SLC39A6: variants seen among roughly 807,000 people sequenced by gnomAD.
SLC39A6 encodes the protein zinc transporter ZIP6.
SLC39A6 carries 51 observed loss-of-function variants against 63.5 expected under a neutral mutation model. The observed-to-expected ratio is 0.80, with a 90% CI of 0.64 to 1.01. The LOEUF (loss-of-function observed/expected upper bound fraction) is 1.01. Ranked by LOEUF, SLC39A6 falls within the 50% of genes least tolerant of loss-of-function variation. SLC39A6 has a pLI of 0.00. For missense variants in SLC39A6, 805 were observed against 927.8 expected (o/e 0.87, Z 1.72); for synonymous variants, 318 against 324.7 (o/e 0.98, Z 0.22).
Position 36,126,204 on chromosome 18 carries a change from C to T in SLC39A6, c.789+15G>A. The stretch of plus-strand genomic sequence containing the variant: ...CACACAGGTATATTAAAATAATGAA[C>T]AGCACTCATCTTACCTCCTGAGGAT... On this transcript the variant is annotated intron_variant, in intron 2 of 9. Transcript: ENST00000269187. 7.5e-6 allele frequency: 12 copies of T among 1,605,450 alleles called. No homozygotes were observed. Among genetic ancestry groups the T allele is most frequent in the Non-Finnish European group, 1.0e-5 (12 of 1,173,854 alleles).
Position 36,126,566 on chromosome 18 carries a change from C to T in SLC39A6, c.442G>A (p.Asp148Asn). The change falls in exon 2 of 10, where the codon GAC becomes AAC. Residue 148 changes from aspartate (D) to asparagine (N), a missense_variant. Physicochemically the swap from Asp to Asn is conservative, Grantham distance 23 (BLOSUM62 1). Around this residue, in one of 4 missense-constraint regions of SLC39A6, gnomAD observed 639 missense variants for 644.0 expected, o/e 0.99. Transcript: ENST00000269187. ...GKNKRKALCP[D>N]HDSDSSGKDP... ...TTACCTGAACTATCTGAGTCATGGT[C>T]TGGGCAAAGAGCTTTTCGCTTATTT... The T allele has an allele frequency of 1.2e-6, 2 of 1,614,176 alleles. No individual in the cohort carries two copies. The highest frequency in any genetic ancestry group is 1.7e-6 in the Non-Finnish European group (2 of 1,180,032).
rs115420814 is a variant in SLC39A6, at chr18:36,121,726, G to T, written c.1359+326C>A. ...TTAATCGTAACTACTAATAAATATT[G>T]ATAGTGTATCCATGTATACACGATG... is the stretch of plus-strand genomic sequence containing the variant. On this transcript the variant is annotated intron_variant, in intron 5 of 9. Transcript: ENST00000269187. Among the ~76,000 whole-genome samples the T allele has an allele frequency of 2.7e-3, 417 of 152,264 alleles. 2 individuals carry two copies. Among genetic ancestry groups the T allele is most frequent in the African/African-American group, 9.9e-3 (411 of 41,558 alleles).
chr18:36,119,462 C>T (rs965732784), intron 5 of SLC39A6, among the ~76,000 whole-genome samples: 1 of 152,138 alleles, frequency 6.6e-6, no homozygotes, highest in Non-Finnish European at 1.5e-5. Context: ...TAAGAGCTTA[C>T]ATTCTAGTAG....
rs1384264993 is a variant in SLC39A6 at position 36,109,084 on chromosome 18, TC to T, written c.*508del. On this transcript the variant is annotated 3_prime_UTR_variant, in exon 10 of 10. Coordinates refer to ENST00000269187, the MANE Select transcript of SLC39A6 (RefSeq NM_012319.4). ...CTTTTTATACTTAATTCTAAATTTC[TC>T]CCCTCTAATTTACAACAAATTTTGT... is the stretch of plus-strand genomic sequence containing the variant. The T allele has an allele frequency of 6.6e-6, 1 of 152,250 alleles. No individual in the cohort carries two copies. The highest frequency in any genetic ancestry group is 6.5e-5 in the Admixed American group (1 of 15,274). 9.4% of individuals were successfully genotyped at this position (152,250 alleles called of 1,614,324 possible). A position where few individuals can be genotyped will look rare whatever the true frequency, so the allele number is the denominator to read the frequency against.
At chr18:36,124,444 C>A in intron 3 of SLC39A6, 76 bp downstream of exon 3, 1 of 909,060 alleles carries the variant, frequency 1.1e-6, no homozygotes, top group Non-Finnish European at 1.6e-6. Context: ...AACAAATAGG[C>A]TGATGCAAAT....
chr18:36,114,518 G>C, intron 6 of SLC39A6, 44 bp from the exon 7 acceptor site: 2 of 1,473,722 alleles, frequency 1.4e-6, no homozygotes, highest in Non-Finnish European at 1.8e-6. Flanking sequence ...AGAAGGCTTT[G>C]TTAATGGACT....
rs1157689991 is a variant in SLC39A6 at position 36,126,383 on chromosome 18, T to C, written c.625A>G (p.Arg209Gly). The C allele has an allele frequency of 6.2e-7, 1 of 1,614,258 alleles. No homozygotes were observed. Reference protein sequence around the residue: ...THFLETIETPRPGKLFPKDVS... With the variant: ...THFLETIETPGPGKLFPKDVS... The stretch of plus-strand genomic sequence containing the variant: ...TCTTTGGGGAAGAGTTTTCCAGGTC[T>C]TGGAGTCTCTATTGTCTCTAGAAAG... The change falls in exon 2 of 10, where the codon AGA becomes GGA. Residue 209 changes from arginine to glycine, a missense_variant. Arg to Gly is a moderately radical substitution (Grantham distance 125, BLOSUM62 -2). Coordinates refer to ENST00000269187, the MANE Select transcript of SLC39A6 (RefSeq NM_012319.4).
chr18:36,113,940 A>G (rs1158458285), intron 7 of SLC39A6, among the ~76,000 whole-genome samples, 157 bp downstream of exon 7: 3 of 152,210 alleles, frequency 2.0e-5, no homozygotes, highest in Non-Finnish European at 4.4e-5. Flanking sequence ...TGAGCACTTC[A>G]TTGTCAAAGT....
chr18:36,123,211 C>T (rs1236557143), intron 4 of SLC39A6, among the ~76,000 whole-genome samples: 1 of 152,196 alleles, frequency 6.6e-6, no homozygotes, highest in Non-Finnish European at 1.5e-5. Context: ...ACTCACATTG[C>T]TGCAGTCTAT....
At chr18:36,128,311 A>G (rs1444065498) in intron 1 of SLC39A6, among the ~76,000 whole-genome samples, 1 of 152,240 alleles carries the variant, frequency 6.6e-6, no homozygotes, top group Non-Finnish European at 1.5e-5. Flanking sequence ...GGGGCTATCC[A>G]GCTCTACCAC....
chr18:36,117,486 C>T (rs553748976), intron 5 of SLC39A6, among the ~76,000 whole-genome samples: 2 of 152,180 alleles, frequency 1.3e-5, no homozygotes, highest in African/African-American at 2.4e-5. Flanking sequence ...TTTTAACCAT[C>T]CCAAATACCA....
intron 7 of SLC39A6, 56 bp from the exon 8 acceptor site, chr18:36,112,637 T>G (rs913175526): frequency 6.8e-6 from 9 of 1,332,302 alleles, no homozygotes; most frequent in Non-Finnish European, 9.7e-6. Flanking sequence ...TTTTTTAATC[T>G]TATCAGTATG....
intron 1 of SLC39A6, 142 bp from the exon 2 acceptor site, chr18:36,127,158 C>T: frequency 1.4e-6 from 1 of 724,932 alleles, no homozygotes. Flanking sequence ...ACGCTAGGTA[C>T]TGTGAAGATG....
chr18:36,113,669 A>C (rs2089320226), intron 7 of SLC39A6, among the ~76,000 whole-genome samples: 1 of 152,230 alleles, frequency 6.6e-6, no homozygotes. Context: ...TCTTCATAGG[A>C]TAGAGACTGG....
intron 5 of SLC39A6, among the ~76,000 whole-genome samples, chr18:36,120,312 C>CA (rs993173455): frequency 2.0e-5 from 3 of 152,044 alleles, no homozygotes; most frequent in Middle Eastern, 6.8e-3. Context: ...AGAAACAGTC[C>CA]AAGGGAAGCA....
chr18:36,116,133 T>C (rs1357501918), intron 6 of SLC39A6, among the ~76,000 whole-genome samples: 1 of 152,180 alleles, frequency 6.6e-6, no homozygotes, highest in Admixed American at 6.5e-5. Flanking sequence ...AAAGCACTAT[T>C]AAGGCATTTG....
chr18:36,121,080 A>G (rs1214651065), intron 5 of SLC39A6, among the ~76,000 whole-genome samples: 2 of 152,208 alleles, frequency 1.3e-5, no homozygotes, highest in Non-Finnish European at 2.9e-5. Context: ...GTCAATATCA[A>G]GTGACCAGAA....
At chr18:36,110,976 A>G in intron 9 of SLC39A6, 83 bp downstream of exon 9, 1 of 1,554,810 alleles carries the variant, frequency 6.4e-7, no homozygotes, top group Non-Finnish European at 8.7e-7. Context: ...CCCCAAAAAG[A>G]GAGAAAAAAA....
chr18:36,114,164 G>A lies in SLC39A6; in HGVS notation c.1776C>T (p.Val592=), dbSNP rs749682154. ...YSREELKDAG[V]ATLAWMVIMG... Reference sequence around the variant, plus strand: ...TTATCACCATCCAGGCCAGAGTGGCGACGCCGGCATCTTTCAGCTCCTCCC... The same window carrying A: ...TTATCACCATCCAGGCCAGAGTGGCAACGCCGGCATCTTTCAGCTCCTCCC... Residue 592 remains valine (V), a synonymous_variant, in exon 7 of 10, where the codon GTC becomes GTT. Coordinates refer to ENST00000269187, the MANE Select transcript of SLC39A6 (RefSeq NM_012319.4). The A allele has an allele frequency of 9.3e-6, 15 of 1,614,154 alleles. No individual in the cohort carries two copies. The highest frequency in any genetic ancestry group is 6.7e-5 in the East Asian group (3 of 44,892).
Sources: gnomAD v4.1 joint callset for allele counts (sites outside exome capture counted in the v4.1 genomes callset) on GRCh38, gnomAD v4.1.1 for gene constraint, gnomAD v4.1.1 regional missense constraint, MANE v1.5 for transcripts, NCBI Gene and HGNC (gene_info 2026-07-23, HGNC 2026-07-21) for gene names.